Variants in JAK1 observed in about 807,000 individuals in gnomAD.
The protein encoded by JAK1 is tyrosine-protein kinase JAK1.
In JAK1, 16 loss-of-function variants were observed where a neutral mutation model predicts 136.6. That is an observed-to-expected ratio of 0.12 (90% CI 0.08 to 0.18). The LOEUF (loss-of-function observed/expected upper bound fraction) is 0.18. Ranked by LOEUF, JAK1 falls within the 10% of genes least tolerant of loss-of-function variation. The pLI is 1.00. For missense variants in JAK1, 859 were observed against 1,450.1 expected, an observed-to-expected ratio of 0.59 and a Z score of 6.62; for synonymous variants, 492 against 519.5, an observed-to-expected ratio of 0.95 and a Z score of 0.72.
intron 1 of JAK1, among the ~76,000 whole-genome samples, chr1:64,954,142 C>T (rs1004930672): frequency 6.6e-6 from 1 of 152,160 alleles, no homozygotes; most frequent in Non-Finnish European, 1.5e-5. Context: ...AAGAAAAGGA[C>T]AAGTGACAAT....
At chr1:64,991,876 A>G (rs1205730506) in intron 2 of JAK1, 2 of 152,236 alleles carry the variant, frequency 1.3e-5, no homozygotes, top group African/African-American at 4.8e-5. Flanking sequence ...ATTTATCCAA[A>G]GAAGTAAATA....
At chr1:65,035,149 G>A (rs1356955723) in intron 2 of JAK1, among the ~76,000 whole-genome samples, 2 of 152,064 alleles carry the variant, frequency 1.3e-5, no homozygotes, top group South Asian at 2.1e-4. Flanking sequence ...GGATTTTCTC[G>A]AGGTAAAGAT....
chr1:64,985,246 C>G, intron 2 of JAK1: 1 of 1,604,060 alleles, frequency 6.2e-7, no homozygotes, highest in South Asian at 1.1e-5. Flanking sequence ...GTATTGATTA[C>G]AGAGAGCTGC....
intron 2 of JAK1, among the ~76,000 whole-genome samples, chr1:65,023,664 T>C (rs1393161211): frequency 6.6e-6 from 1 of 152,142 alleles, no homozygotes; most frequent in Non-Finnish European, 1.5e-5. Flanking sequence ...TTTGTATTTT[T>C]AGTAGAGATG....
chr1:64,979,399 T>TA (rs1273767040), intron 2 of JAK1, among the ~76,000 whole-genome samples: 2 of 151,912 alleles, frequency 1.3e-5, no homozygotes, highest in Non-Finnish European at 2.9e-5. Flanking sequence ...ACCTCACTTC[T>TA]AAAAAAAAGA....
At chr1:64,925,794 C>T (rs554343830) in intron 1 of JAK1, among the ~76,000 whole-genome samples, 15 of 152,178 alleles carry the variant, frequency 9.9e-5, no homozygotes, top group African/African-American at 3.1e-4. Context: ...TAAATGAGGC[C>T]CAAACACAAG....
chr1:64,907,594 C>G (rs1645211979), intron 1 of JAK1, among the ~76,000 whole-genome samples: 2 of 152,028 alleles, frequency 1.3e-5, no homozygotes, highest in African/African-American at 4.8e-5. Flanking sequence ...GGGTGCTAGG[C>G]TTAATACCTG....
chr1:64,842,277 T>C (rs1468463952), intron 17 of JAK1, among the ~76,000 whole-genome samples: 1 of 151,738 alleles, frequency 6.6e-6, no homozygotes, highest in Non-Finnish European at 1.5e-5. Flanking sequence ...CAGTGATTGC[T>C]GTTTTCTTTT....
At chr1:64,919,367 T>C (rs367746056) in intron 1 of JAK1, among the ~76,000 whole-genome samples, 63 of 152,328 alleles carry the variant, frequency 4.1e-4, no homozygotes, top group African/African-American at 1.5e-3. Flanking sequence ...TATGGTTGCA[T>C]AGTATTCCAT....
chr1:64,985,393 C>T, intron 2 of JAK1: 1 of 1,610,776 alleles, frequency 6.2e-7, no homozygotes, highest in Non-Finnish European at 8.5e-7. Context: ...TCTTGGGATA[C>T]ATCCTGGGTG....
At chr1:65,030,596 G>A (rs141979911) in intron 2 of JAK1, among the ~76,000 whole-genome samples, 2,124 of 151,720 alleles carry the variant, frequency 0.014, 50 homozygotes, top group African/African-American at 0.05. Context: ...GCAGTGGTGC[G>A]ATCTCTGCTC....
At chr1:64,837,498 G>A (rs781105349) in intron 22 of JAK1, among the ~76,000 whole-genome samples, 16 of 152,158 alleles carry the variant, frequency 1.1e-4, no homozygotes, top group South Asian at 2.1e-4. Flanking sequence ...CAGGTCTCCC[G>A]TAGGTTTTGC....
At chr1:64,958,875 G>C (rs980748731) in intron 1 of JAK1, among the ~76,000 whole-genome samples, 4 of 152,186 alleles carry the variant, frequency 2.6e-5, no homozygotes, top group Non-Finnish European at 5.9e-5. Flanking sequence ...ACAAATAAGA[G>C]TTGCATTCAT....
intron 17 of JAK1, among the ~76,000 whole-genome samples, chr1:64,842,376 G>A (rs1383159896): frequency 6.7e-6 from 1 of 149,596 alleles, no homozygotes; most frequent in Admixed American, 6.6e-5. Context: ...GGAAGATGAA[G>A]TGAAACCACT....
At chr1:64,882,757 T>A (rs912373598) in intron 3 of JAK1, among the ~76,000 whole-genome samples, 2 of 152,196 alleles carry the variant, frequency 1.3e-5, no homozygotes. Flanking sequence ...GGAACTTGAC[T>A]AAGCCACAAA....
At chr1:64,964,359 A>G (rs1333579413) in intron 1 of JAK1, among the ~76,000 whole-genome samples, 1 of 152,248 alleles carries the variant, frequency 6.6e-6, no homozygotes, top group Non-Finnish European at 1.5e-5. Flanking sequence ...TTTGCTATGC[A>G]GTTATACCTT....
chr1:64,897,167 C>A (rs77501976), intron 1 of JAK1, among the ~76,000 whole-genome samples: 5 of 151,810 alleles, frequency 3.3e-5, no homozygotes, highest in Non-Finnish European at 7.4e-5. Flanking sequence ...CGATGGCTCA[C>A]GCCTGCAATC....
intron 1 of JAK1, among the ~76,000 whole-genome samples, chr1:64,899,066 T>G (rs1645066876): frequency 6.6e-6 from 1 of 152,236 alleles, no homozygotes; most frequent in Non-Finnish European, 1.5e-5. Context: ...TTTTTACAAT[T>G]TACAAAGCAC....
chr1:64,846,259 T>C (rs1655221619), intron 14 of JAK1, among the ~76,000 whole-genome samples: 1 of 152,072 alleles, frequency 6.6e-6, no homozygotes, highest in South Asian at 2.1e-4. Flanking sequence ...TGCCTGTGGT[T>C]AAAATGGAAG....
Sources: gnomAD v4.1 joint callset for allele counts (sites outside exome capture counted in the v4.1 genomes callset) on GRCh38, gnomAD v4.1.1 for gene constraint, MANE v1.5 for transcripts, NCBI Gene and HGNC (gene_info 2026-07-23, HGNC 2026-07-21) for gene names.